Variants in RORA observed in about 807,000 individuals in gnomAD.
RORA encodes the protein nuclear receptor ROR-alpha.
In RORA, 7 loss-of-function variants were observed where a neutral mutation model predicts 69.5. That is an observed-to-expected ratio of 0.10 (90% CI 0.06 to 0.19). The LOEUF is 0.19. Ranked by LOEUF, RORA falls within the 10% of genes least tolerant of loss-of-function variation. RORA has a pLI of 1.00. For missense variants in RORA, 457 were observed against 663.0 expected (o/e 0.69, Z 3.41); for synonymous variants, 261 against 240.8 (o/e 1.08, Z -0.78).
At position 60,495,918 on chromosome 15, in the gene RORA, C is replaced by G. The variant is rs761682962; in HGVS notation, c.*1537G>C. On this transcript the variant is annotated 3_prime_UTR_variant, in exon 11 of 11. Transcript: ENST00000335670. ...ACTCAGTATTTCTCACCTGAACACA[C>G]AAGCCAAATAATCTTCTAAATATTT... 20 of 150,256 alleles carry G rather than the reference C, an allele frequency of 1.3e-4. No individual in the cohort carries two copies. The highest frequency in any genetic ancestry group is 3.0e-4 in the Non-Finnish European group (20 of 67,640). The allele number at this position is 150,256 out of a possible 1,614,324, so 9.3% of individuals were successfully genotyped here.
chr15:60,861,411 C>A (rs2073434661), intron 1 of RORA, among the ~76,000 whole-genome samples: 1 of 152,148 alleles, frequency 6.6e-6, no homozygotes, highest in African/African-American at 2.4e-5. Context: ...CTCAGAGTAA[C>A]CCTGGAGGTA....
At chr15:60,517,933 A>C (rs1303173268) in intron 3 of RORA, among the ~76,000 whole-genome samples, 1 of 152,156 alleles carries the variant, frequency 6.6e-6, no homozygotes, top group Non-Finnish European at 1.5e-5. Flanking sequence ...ATCTCTTCTG[A>C]CGACCAAATC....
At chr15:60,536,397 C>T (rs1056723888) in intron 2 of RORA, among the ~76,000 whole-genome samples, 3 of 152,090 alleles carry the variant, frequency 2.0e-5, no homozygotes, top group Non-Finnish European at 2.9e-5. Context: ...AAGCTCTTTC[C>T]GAGGTGGGGA....
Position 61,162,999 on chromosome 15 carries a change from T to C in RORA, c.166+66054A>G, listed in dbSNP as rs571158968. On this transcript the variant is annotated intron_variant, in intron 1 of 10. Transcript: ENST00000335670. ...CGATTCATAAGGTGCAAGGACCTGA[T>C]TTATGTTGGGTGATAAGTCAATGAA... Among the ~76,000 whole-genome samples, 20 of 152,322 alleles carry C rather than the reference T, an allele frequency of 1.3e-4. No individual in the cohort carries two copies. The South Asian group carries it at 3.9e-3, about 30-fold the overall frequency.
intron 1 of RORA, among the ~76,000 whole-genome samples, chr15:61,070,552 A>C (rs919043472): frequency 6.6e-6 from 1 of 152,254 alleles, no homozygotes; most frequent in Non-Finnish European, 1.5e-5. Context: ...CCACGGAAAT[A>C]AAATACATGC....
chr15:60,955,472 T>A (rs542669555), intron 1 of RORA, among the ~76,000 whole-genome samples: 24 of 152,214 alleles, frequency 1.6e-4, no homozygotes, highest in Non-Finnish European at 2.9e-4. Context: ...CAGACCTCCA[T>A]AAGACCTCCA....
At chr15:60,535,903 T>A (rs1247456238) in intron 2 of RORA, among the ~76,000 whole-genome samples, 1 of 152,230 alleles carries the variant, frequency 6.6e-6, no homozygotes, top group Non-Finnish European at 1.5e-5. Context: ...GTCATCATCA[T>A]CATTGCACTC....
At chr15:60,639,981 G>T (rs1203281195) in intron 2 of RORA, among the ~76,000 whole-genome samples, 1 of 152,228 alleles carries the variant, frequency 6.6e-6, no homozygotes, top group African/African-American at 2.4e-5. Context: ...GGAAAACACT[G>T]TTGTATCGTG....
chr15:61,184,792 C>T (rs1458337971), intron 1 of RORA, among the ~76,000 whole-genome samples: 2 of 151,762 alleles, frequency 1.3e-5, no homozygotes, highest in Admixed American at 1.3e-4. Context: ...TCAAGACCAG[C>T]CTGGGCAACA....
intron 1 of RORA, among the ~76,000 whole-genome samples, chr15:61,038,335 T>G (rs1205433821): frequency 6.6e-6 from 1 of 152,186 alleles, no homozygotes; most frequent in East Asian, 1.9e-4. Flanking sequence ...ATTAATAATT[T>G]CTTTGGACCA....
chr15:61,062,392 T>C (rs116721020), intron 1 of RORA, among the ~76,000 whole-genome samples: 1,849 of 152,276 alleles, frequency 0.012, 34 homozygotes, highest in African/African-American at 0.043. Context: ...CTGTATTTCC[T>C]CTGCAGCCTG....
Position 61,120,091 on chromosome 15 carries a change from C to G in RORA, c.166+108962G>C, listed in dbSNP as rs576096769. ...TAATGTGGATGACCGTCTGCTTGGG[C>G]TGTGGTTCTCAGCCCTGGCTGCCCA... is the stretch of plus-strand genomic sequence containing the variant. On this transcript the variant is annotated intron_variant, in intron 1 of 10. Transcript: ENST00000335670. Among the ~76,000 whole-genome samples, 4 of 152,282 alleles carry G rather than the reference C, an allele frequency of 2.6e-5. No homozygotes were observed. In the South Asian group the frequency reaches 8.3e-4, roughly 32 times the overall value.
intron 1 of RORA, among the ~76,000 whole-genome samples, chr15:60,967,602 G>A (rs867503943): frequency 6.6e-6 from 1 of 152,226 alleles, no homozygotes; most frequent in Non-Finnish European, 1.5e-5. Context: ...AACCATGCAA[G>A]TGCCATAGGA....
intron 5 of RORA, among the ~76,000 whole-genome samples, chr15:60,508,094 C>A (rs2065572210): frequency 6.6e-6 from 1 of 152,202 alleles, no homozygotes; most frequent in African/African-American, 2.4e-5. Flanking sequence ...ATTTTTAAAT[C>A]TCCATTTCAG....
At chr15:60,991,883 G>A (rs1031549384) in intron 1 of RORA, among the ~76,000 whole-genome samples, 11 of 150,420 alleles carry the variant, frequency 7.3e-5, no homozygotes, top group Admixed American at 2.0e-4. Context: ...TCCAGCCTGC[G>A]TGACAGAGCG....
intron 2 of RORA, among the ~76,000 whole-genome samples, chr15:60,595,408 G>A (rs1432736913): frequency 6.6e-5 from 10 of 151,716 alleles, no homozygotes; most frequent in Middle Eastern, 3.2e-3. Flanking sequence ...GCTACTACTC[G>A]CGAGGCTGAG....
At chr15:60,599,121 G>A (rs2068759657) in intron 2 of RORA, among the ~76,000 whole-genome samples, 1 of 152,234 alleles carries the variant, frequency 6.6e-6, no homozygotes. Context: ...TGGTTACTAT[G>A]TGCGGGGTTC....
At chr15:60,625,219 A>G (rs2069542697) in intron 2 of RORA, among the ~76,000 whole-genome samples, 1 of 152,194 alleles carries the variant, frequency 6.6e-6, no homozygotes, top group Non-Finnish European at 1.5e-5. Context: ...AAAAACAACA[A>G]CAACAACAGA....
intron 2 of RORA, among the ~76,000 whole-genome samples, chr15:60,618,821 C>T (rs1034761541): frequency 6.6e-6 from 1 of 152,150 alleles, no homozygotes; most frequent in Admixed American, 6.5e-5. Context: ...CCTGCCTTGC[C>T]ATTTCTCCAA....
Sources: allele counts gnomAD v4.1 joint callset (sites outside exome capture counted in the v4.1 genomes callset), GRCh38; gene constraint gnomAD v4.1.1; transcripts MANE v1.5; gene names NCBI Gene and HGNC (gene_info 2026-07-23, HGNC 2026-07-21).